Variants in NEBL observed in about 807,000 individuals in gnomAD.
NEBL encodes the protein nebulette, also known as LIM and SH3 protein 2.
In NEBL, 122 loss-of-function variants were observed where a neutral mutation model predicts 140.2. That is an observed-to-expected ratio of 0.87 (90% confidence interval 0.75 to 1.01). The LOEUF is 1.01. Among genes scored for constraint, NEBL ranks in the 50% least tolerant of loss-of-function variants. The pLI is 0.00. For synonymous variants in NEBL, 436 were observed against 398.9 expected (o/e 1.09, Z -1.11); for missense variants, 1,365 against 1,231.3 (o/e 1.11, Z -1.62).
chr10:20,875,364 C>G (rs1845393896), intron 5 of NEBL, among the ~76,000 whole-genome samples: 1 of 152,194 alleles, frequency 6.6e-6, no homozygotes, highest in South Asian at 2.1e-4. Flanking sequence ...TACATCAACA[C>G]TCCCTTTTAA....
intron 2 of NEBL, chr10:21,126,042 G>C: frequency 6.2e-7 from 1 of 1,614,190 alleles, no homozygotes. Context: ...GCGTTGGCCA[G>C]CTTTGCAGCC....
In NEBL at chr10:20,802,762, C is replaced by T. The variant is rs148244898; in HGVS notation, c.2761+5748G>A. Among the ~76,000 whole-genome samples the T allele has an allele frequency of 4.2e-3, 646 of 152,112 alleles. 20 individuals are homozygous for T. Among genetic ancestry groups the T allele is most frequent in the Non-Finnish European group, 1.1e-3 (74 of 68,006 alleles). ...ATCAGAACTTACTCGAAAGAAGGAA[C>T]GAAAACTGTGACTCTCATAACTGCC... On this transcript the variant is annotated intron_variant, in intron 26 of 27. Transcript: ENST00000377122.
At chr10:20,964,715 G>T (rs1448480440) in intron 3 of NEBL, among the ~76,000 whole-genome samples, 1 of 152,162 alleles carries the variant, frequency 6.6e-6, no homozygotes, top group African/African-American at 2.4e-5. Context: ...GGTCTGGCTA[G>T]TTTAACTGGC....
At position 21,140,923 on chromosome 10, in the gene NEBL, T is replaced by C. The variant is rs552413108; in HGVS notation, c.164+31460A>G. On this transcript the variant is annotated intron_variant, in intron 2 of 6. Transcript: ENST00000417816. Reference sequence around the variant, plus strand: ...TGTATACCTAGGTAACAAACCTGCATGTTCTGCACATGTTTCCCAGAACTT... The same window carrying C: ...TGTATACCTAGGTAACAAACCTGCACGTTCTGCACATGTTTCCCAGAACTT... Among the ~76,000 whole-genome samples the C allele has an allele frequency of 1.3e-4, 20 of 152,130 alleles. No homozygotes were observed. In the South Asian group the frequency reaches 4.2e-3, roughly 32 times the overall value.
At chr10:21,139,216 T>C (rs1257377932) in intron 2 of NEBL, among the ~76,000 whole-genome samples, 1 of 152,162 alleles carries the variant, frequency 6.6e-6, no homozygotes, top group Non-Finnish European at 1.5e-5. Context: ...CTAAAGCCTA[T>C]AATTCAAAGT....
intron 26 of NEBL, chr10:20,793,287 TAAGC>T: frequency 1.1e-6 from 1 of 889,684 alleles, no homozygotes; most frequent in Non-Finnish European, 1.3e-6. Context: ...ACAAAATAAT[TAAGC>T]TCAAGCTTTG....
At chr10:21,086,866 G>A (rs1836656424) in intron 2 of NEBL, among the ~76,000 whole-genome samples, 1 of 152,156 alleles carries the variant, frequency 6.6e-6, no homozygotes, top group African/African-American at 2.4e-5. Context: ...TTGCTGAAGA[G>A]TTCAGTCATG....
intron 9 of NEBL, among the ~76,000 whole-genome samples, chr10:20,856,765 A>T (rs1328062749): frequency 6.6e-6 from 1 of 152,196 alleles, no homozygotes; most frequent in Non-Finnish European, 1.5e-5. Context: ...TGGGAACATT[A>T]ATGTACTGCT....
chr10:21,024,193 A>T (rs1287567733), intron 2 of NEBL, among the ~76,000 whole-genome samples: 1 of 152,106 alleles, frequency 6.6e-6, no homozygotes, highest in Non-Finnish European at 1.5e-5. Context: ...GACTAGAAAC[A>T]TATAACAATG....
intron 4 of NEBL, among the ~76,000 whole-genome samples, chr10:20,920,992 T>G (rs1295257800): frequency 6.6e-5 from 10 of 152,228 alleles, no homozygotes; most frequent in Admixed American, 6.5e-4. Context: ...AAGAAATATG[T>G]GTTTACCAGC....
At chr10:21,206,569 G>A (rs544752080) in intron 3 of NEBL, among the ~76,000 whole-genome samples, 99 of 152,164 alleles carry the variant, frequency 6.5e-4, no homozygotes, top group Non-Finnish European at 1.1e-3. Flanking sequence ...CCTGCCCATT[G>A]CTTATGGGAA....
intron 2 of NEBL, among the ~76,000 whole-genome samples, chr10:21,055,227 A>G (rs1834958916): frequency 6.6e-6 from 1 of 152,234 alleles, no homozygotes; most frequent in Admixed American, 6.5e-5. Flanking sequence ...GAAAAAGTCC[A>G]AGCAAATCTT....
At chr10:20,847,502 T>G (rs1327951494) in intron 11 of NEBL, among the ~76,000 whole-genome samples, 1 of 152,150 alleles carries the variant, frequency 6.6e-6, no homozygotes, top group Non-Finnish European at 1.5e-5. Context: ...GTTTCTGGAT[T>G]TATCAGTGAA....
intron 4 of NEBL, among the ~76,000 whole-genome samples, chr10:20,956,740 A>G (rs531915205): frequency 6.6e-6 from 1 of 152,302 alleles, no homozygotes; most frequent in African/African-American, 2.4e-5. Context: ...ATTTCAATGA[A>G]TGACTTTATA....
Position 21,173,933 on chromosome 10 carries a change from A to G in NEBL, c.-100T>C. 1 of 1,417,628 alleles carries G rather than the reference A, an allele frequency of 7.1e-7. No individual in the cohort carries two copies. The highest frequency in any genetic ancestry group is 9.1e-7 in the Non-Finnish European group (1 of 1,097,870). 87.8% of individuals were successfully genotyped at this position (1,417,628 alleles called of 1,614,324 possible). A position where few individuals can be genotyped will look rare whatever the true frequency, so the allele number is the denominator to read the frequency against. On this transcript the variant is annotated 5_prime_UTR_variant, in exon 1 of 7. Transcript: ENST00000417816. The surrounding 1 kb of genome is among the most constrained non-coding windows in gnomAD (Gnocchi z 5.7). ...CCCGCACCGCCTCCTGGCAGGCGGG[A>G]GGGCTGCGGGCGGCGGGCGCCGGGT...
intron 3 of NEBL, among the ~76,000 whole-genome samples, chr10:20,978,702 C>T (rs554756031): frequency 3.7e-4 from 56 of 151,924 alleles, no homozygotes; most frequent in African/African-American, 1.3e-3. Flanking sequence ...CTGCAGTGAG[C>T]CGTGATTGTG....
At chr10:21,215,537 A>T (rs971952001) in intron 3 of NEBL, among the ~76,000 whole-genome samples, 2 of 152,238 alleles carry the variant, frequency 1.3e-5, no homozygotes, top group Non-Finnish European at 2.9e-5. Context: ...CAAATAACAT[A>T]TCTTTTAAAA....
At chr10:20,965,455 T>C (rs1836263906) in intron 3 of NEBL, among the ~76,000 whole-genome samples, 1 of 152,142 alleles carries the variant, frequency 6.6e-6, no homozygotes. Flanking sequence ...AGGAGAGCTA[T>C]GCAGGCAGAG....
chr10:20,796,410 A>G, intron 26 of NEBL, among the ~76,000 whole-genome samples: 1 of 146,998 alleles, frequency 6.8e-6, no homozygotes, highest in African/African-American at 2.5e-5. Flanking sequence ...CTAAAATATT[A>G]TCTTGGGGAC....
Sources: allele counts gnomAD v4.1 joint callset (sites outside exome capture counted in the v4.1 genomes callset), GRCh38; gene constraint gnomAD v4.1.1; non-coding constraint Gnocchi (gnomAD v3.1); transcripts MANE v1.5; gene names NCBI Gene and HGNC (gene_info 2026-07-23, HGNC 2026-07-21).